GET1: variants seen among roughly 807,000 people sequenced by gnomAD.
GET1 encodes the protein congenital heart disease 5 protein.
Under a neutral mutation model 22.6 loss-of-function variants are expected in GET1, and 20 were observed. That is an observed-to-expected ratio of 0.89 (90% CI 0.62 to 1.29). The LOEUF (loss-of-function observed/expected upper bound fraction) is 1.29. Among genes scored for constraint, GET1 ranks in the 50% most tolerant of loss-of-function variants. GET1 has a pLI of 0.00. For synonymous variants in GET1, 92 were observed against 83.8 expected (o/e 1.10, Z -0.53); for missense variants, 209 against 219.9 (o/e 0.95, Z 0.31).
chr21:39,406,068 C>T (rs1015400089), exon 5 of GET1: 4 of 1,614,168 alleles, frequency 2.5e-6, no homozygotes, highest in East Asian at 2.2e-5. Flanking sequence ...GGTCAGTTTT[C>T]AAGACATAGC....
Position 39,390,698 on chromosome 21 carries a change from A to C in GET1, c.103A>C (p.Met35Leu). ...TGATCCCCGTTGTCCGCCCTGCCAG[A>C]TGTCCAGGGTGCTGCAGAAGGACGC... is the stretch of plus-strand genomic sequence containing the variant. ...RILLPSFSSF[M>L]SRVLQKDAEQ... The change falls in exon 2 of 5, where the codon ATG becomes CTG. Residue 35 changes from methionine (M) to leucine (L), a missense_variant and splice_region_variant. Coordinates refer to ENST00000649170, the MANE Select transcript of GET1 (RefSeq NM_004627.6). The C allele has an allele frequency of 6.2e-7, 1 of 1,614,098 alleles. No homozygotes were observed. Among genetic ancestry groups the C allele is most frequent in the East Asian group, 2.2e-5 (1 of 44,882 alleles).
At chr21:39,428,508 TA>T (rs2075150069) in exon 2 of GET1, 2 of 1,465,014 alleles carry the variant, frequency 1.4e-6, no homozygotes, top group African/African-American at 1.5e-5. Flanking sequence ...AACAACCTAA[TA>T]AAAGAAAAGT....
intron 1 of GET1, chr21:39,421,642 C>T (rs932923067): frequency 5.3e-5 from 8 of 152,102 alleles, no homozygotes; most frequent in Non-Finnish European, 1.2e-4. Context: ...CCAAAAGGAC[C>T]ACTTTTCTTT....
chr21:39,415,159 C>G (rs1393422472), intron 1 of GET1, among the ~76,000 whole-genome samples: 1 of 152,074 alleles, frequency 6.6e-6, no homozygotes, highest in Non-Finnish European at 1.5e-5. Flanking sequence ...GCCTCAACTT[C>G]CCAAAAAATG....
In GET1 at chr21:39,397,056, T is replaced by G. The variant is rs566285171; in HGVS notation, c.*117T>G. On this transcript the variant is annotated 3_prime_UTR_variant, in exon 5 of 5. Transcript: ENST00000649170. ...AAAAGTGCATAGTTTAGATTTTTTTTTTGTTGAATATGTTTGTTCTTGGAC... is the reference window on the plus strand; with the variant it reads ...AAAAGTGCATAGTTTAGATTTTTTTGTTGTTGAATATGTTTGTTCTTGGAC... The G allele has an allele frequency of 4.7e-5, 52 of 1,097,954 alleles. No individual in the cohort carries two copies. In the South Asian group the frequency reaches 6.0e-4, roughly 13 times the overall value. The allele number at this position is 1,097,954 out of a possible 1,614,324, so 68.0% of individuals were successfully genotyped here.
intron 1 of GET1, chr21:39,422,649 C>T: frequency 2.4e-6 from 1 of 408,958 alleles, no homozygotes. Context: ...TAACACAATG[C>T]AATCTTTTCA....
At chr21:39,390,233 A>C (rs1394142701) in intron 1 of GET1, among the ~76,000 whole-genome samples, 1 of 152,084 alleles carries the variant, frequency 6.6e-6, no homozygotes, top group African/African-American at 2.4e-5. Context: ...GAGTTCCCTC[A>C]AGGGGCTGCT....
At chr21:39,389,865 G>A (rs2038178956) in intron 1 of GET1, among the ~76,000 whole-genome samples, 1 of 152,206 alleles carries the variant, frequency 6.6e-6, no homozygotes, top group Non-Finnish European at 1.5e-5. Context: ...ATTCTTCTGG[G>A]AGGGGAGAGG....
chr21:39,408,867 CT>C (rs1286073425), downstream of GET1, among the ~76,000 whole-genome samples: 1 of 152,130 alleles, frequency 6.6e-6, no homozygotes, highest in East Asian at 1.9e-4. Context: ...AGCTGGGGTC[CT>C]TTTTCTGGAA....
At chr21:39,380,602 G>A in intron 1 of GET1, 116 bp downstream of exon 1, 3 of 1,495,046 alleles carry the variant, frequency 2.0e-6, no homozygotes, top group East Asian at 5.0e-5. Context: ...GTAGCGTCTT[G>A]GTTGGTCCGT....
At chr21:39,415,726 C>A (rs1027562847) in intron 1 of GET1, among the ~76,000 whole-genome samples, 1 of 152,178 alleles carries the variant, frequency 6.6e-6, no homozygotes, top group African/African-American at 2.4e-5. Flanking sequence ...ATTAATATAT[C>A]TCTTACTGTC....
chr21:39,423,598 A>G (rs1339201015), intron 1 of GET1: 1 of 900,280 alleles, frequency 1.1e-6, no homozygotes, highest in African/African-American at 1.7e-5. Flanking sequence ...CACCACACAC[A>G]TACACACAAG....
downstream of GET1, chr21:39,411,206 C>T (rs781559296): frequency 1.2e-5 from 3 of 254,826 alleles, no homozygotes; most frequent in East Asian, 1.0e-4. Context: ...GTGGTTGCCT[C>T]GGGTGAGGTA....
chr21:39,396,706 A>G (rs1411290186), intron 4 of GET1, among the ~76,000 whole-genome samples, 160 bp from the exon 5 acceptor site: 4 of 149,122 alleles, frequency 2.7e-5, no homozygotes, highest in African/African-American at 9.8e-5. Flanking sequence ...AAAAAAAAAG[A>G]AAGTGACAAA....
chr21:39,418,041 C>T (rs559575483), intron 1 of GET1, among the ~76,000 whole-genome samples: 2 of 152,344 alleles, frequency 1.3e-5, no homozygotes, highest in East Asian at 1.9e-4. Context: ...GCTGGGATTA[C>T]AGGCGTGAGC....
intron 1 of GET1, among the ~76,000 whole-genome samples, chr21:39,385,288 C>A (rs1165879965): frequency 6.6e-6 from 1 of 152,152 alleles, no homozygotes; most frequent in Admixed American, 6.5e-5. Flanking sequence ...CTAGGCCGCA[C>A]TGGTCCCCGC....
chr21:39,428,468 G>A, exon 2 of GET1: 1 of 1,605,864 alleles, frequency 6.2e-7, no homozygotes, highest in Non-Finnish European at 8.5e-7. Context: ...ATCTATATTT[G>A]TTTTTGTTAG....
At chr21:39,408,070 T>G (rs1172898800), downstream of GET1, among the ~76,000 whole-genome samples, 1 of 152,256 alleles carries the variant, frequency 6.6e-6, no homozygotes, top group African/African-American at 2.4e-5. Flanking sequence ...CTGAATGAAC[T>G]CTGGGACTCA....
At chr21:39,393,119 G>A in intron 3 of GET1, 47 bp from the exon 4 acceptor site, 1 of 1,515,432 alleles carries the variant, frequency 6.6e-7, no homozygotes, top group Non-Finnish European at 9.2e-7. Context: ...TGTGTGGTCG[G>A]TTGTGTGATT....
Sources: gnomAD v4.1 joint callset for allele counts (sites outside exome capture counted in the v4.1 genomes callset) on GRCh38, gnomAD v4.1.1 for gene constraint, MANE v1.5 for transcripts, NCBI Gene and HGNC (gene_info 2026-07-23, HGNC 2026-07-21) for gene names.